PARL: variants seen among roughly 807,000 people sequenced by gnomAD.
PARL encodes presenilin associated rhomboid like, also known as presenilin-associated rhomboid-like protein, mitochondrial.
In PARL, 44 loss-of-function variants were observed where a neutral mutation model predicts 51.6. The ratio of observed to expected loss-of-function variants is 0.85; its 90% CI spans 0.67 to 1.10. The LOEUF (loss-of-function observed/expected upper bound fraction) is 1.10, where lower values mean the gene tolerates loss of function less well. Ranked by LOEUF, PARL falls within the 50% of genes least tolerant of loss-of-function variation. The pLI is 0.00. For missense variants in PARL, 441 were observed against 469.5 expected (o/e 0.94, Z 0.56); for synonymous variants, 172 against 164.0 (o/e 1.05, Z -0.37).
Position 183,862,808 on chromosome 3 carries a change from C to T in PARL, c.463-7G>A, listed in dbSNP as rs757762807. On this transcript the variant is annotated splice_polypyrimidine_tract_variant and splice_region_variant and intron_variant, in intron 3 of 9. Coordinates refer to ENST00000317096, the MANE Select transcript of PARL (RefSeq NM_018622.7). ...TATTCCACCACTTGTTAATCTAAAA[C>T]AGACAGAAAATTGCATCACCACATG... 1 of 1,611,870 alleles carries T rather than the reference C, an allele frequency of 6.2e-7. No individual in the cohort carries two copies. The highest frequency in any genetic ancestry group is 8.5e-7 in the Non-Finnish European group (1 of 1,177,948).
intron 7 of PARL, among the ~76,000 whole-genome samples, chr3:183,839,285 G>A (rs770750044): frequency 1.3e-5 from 2 of 152,130 alleles, no homozygotes; most frequent in African/African-American, 2.4e-5. Context: ...TTCCCTATTT[G>A]AATGCATTTA....
intron 7 of PARL, among the ~76,000 whole-genome samples, chr3:183,836,798 C>T (rs534196206): frequency 1.9e-4 from 29 of 152,228 alleles, no homozygotes; most frequent in South Asian, 1.0e-3. Flanking sequence ...AACTGGAGTG[C>T]GGTGGCACGA....
At position 183,842,802 on chromosome 3, in the gene PARL, T is replaced by C. The variant is rs1729483724; in HGVS notation, c.608-355A>G. ...CAGCCTGGGCCATAGAGCGAGACTCTATCTCAAAAAAAAAAAAAAAAAAAA... is the reference window on the plus strand; with the variant it reads ...CAGCCTGGGCCATAGAGCGAGACTCCATCTCAAAAAAAAAAAAAAAAAAAA... On this transcript the variant is annotated intron_variant, in intron 5 of 9. Coordinates refer to ENST00000317096, the MANE Select transcript of PARL (RefSeq NM_018622.7). 1.6e-4 allele frequency among the ~76,000 whole-genome samples: 10 copies of C among 62,206 alleles called. No individual in the cohort carries two copies. The South Asian group carries it at 7.4e-3, about 46-fold the overall frequency. The allele number at this position is 62,206 out of a possible 152,430, so 40.8% of individuals were successfully genotyped here.
intron 1 of PARL, chr3:183,879,677 A>C (rs1734212188): frequency 2.4e-6 from 2 of 849,016 alleles, no homozygotes; most frequent in South Asian, 1.1e-4. Context: ...ATATTATATA[A>C]GGTACATTTT....
chr3:183,858,099 G>C (rs1731373491), intron 4 of PARL, among the ~76,000 whole-genome samples: 1 of 152,142 alleles, frequency 6.6e-6, no homozygotes, highest in South Asian at 2.1e-4. Flanking sequence ...CTTGAAGTGT[G>C]GTTGGCACTC....
In PARL at chr3:183,854,808, G is replaced by A. The variant is rs567297487; in HGVS notation, c.511+7945C>T. 4.9e-5 allele frequency among the ~76,000 whole-genome samples: 7 copies of A among 143,388 alleles called. No homozygotes were observed. The South Asian group carries it at 1.3e-3, about 27-fold the overall frequency. 94.1% of individuals were successfully genotyped at this position (143,388 alleles called of 152,430 possible). A position where few individuals can be genotyped will look rare whatever the true frequency, so the allele number is the denominator to read the frequency against. ...AATTCCATTCCTGGCTATATATACC[G>A]AGAAATGAAAACATATGTCCACACA... On this transcript the variant is annotated intron_variant, in intron 4 of 9. Transcript: ENST00000317096.
chr3:183,836,768 C>CA (rs1301450291), intron 7 of PARL, among the ~76,000 whole-genome samples: 1 of 152,096 alleles, frequency 6.6e-6, no homozygotes. Context: ...TTTTTTGAGA[C>CA]AGAGTCTCGC....
chr3:183,855,492 G>A (rs182682280), intron 4 of PARL, among the ~76,000 whole-genome samples: 21 of 152,194 alleles, frequency 1.4e-4, no homozygotes, highest in African/African-American at 3.1e-4. Flanking sequence ...ACCAAGGACC[G>A]GTTTTGTGTT....
chr3:183,854,255 G>A (rs886747728), intron 4 of PARL, among the ~76,000 whole-genome samples: 8 of 152,048 alleles, frequency 5.3e-5, no homozygotes, highest in African/African-American at 9.7e-5. Flanking sequence ...AAATAGAATC[G>A]AATGCATGGT....
intron 4 of PARL, among the ~76,000 whole-genome samples, chr3:183,849,211 C>T (rs779204078): frequency 1.1e-4 from 16 of 152,080 alleles, no homozygotes; most frequent in Admixed American, 2.0e-4. Context: ...TAGAACACAC[C>T]ACCCAACAAA....
chr3:183,845,137 G>A (rs10937153), intron 4 of PARL, among the ~76,000 whole-genome samples: 41,899 of 152,052 alleles, frequency 0.28, 5,922 homozygotes, highest in East Asian at 0.54. Flanking sequence ...CAACAGGCAA[G>A]TAGCACTTTC....
chr3:183,851,688 A>G (rs539426061), intron 4 of PARL, among the ~76,000 whole-genome samples: 1 of 152,162 alleles, frequency 6.6e-6, no homozygotes, highest in East Asian at 1.9e-4. Context: ...TATCCAGAAT[A>G]TATAAAAAAA....
At chr3:183,862,633 A>G in intron 4 of PARL, 120 bp downstream of exon 4, 1 of 776,526 alleles carries the variant, frequency 1.3e-6, no homozygotes, top group South Asian at 1.4e-5. Flanking sequence ...CTATCAGTAC[A>G]GAGACTGTCT....
At chr3:183,848,227 C>A (rs549024791) in intron 4 of PARL, among the ~76,000 whole-genome samples, 1 of 152,190 alleles carries the variant, frequency 6.6e-6, no homozygotes. Flanking sequence ...AGCTTTGCAG[C>A]GTTTTTTGTT....
chr3:183,864,009 G>A (rs1732147043), intron 3 of PARL, among the ~76,000 whole-genome samples: 1 of 152,144 alleles, frequency 6.6e-6, no homozygotes, highest in African/African-American at 2.4e-5. Flanking sequence ...AAAACTTCAT[G>A]TGCAGACATG....
chr3:183,864,756 A>T (rs1732254636), intron 3 of PARL, among the ~76,000 whole-genome samples: 1 of 151,920 alleles, frequency 6.6e-6, no homozygotes, highest in Non-Finnish European at 1.5e-5. Context: ...AGCCTGGGCA[A>T]CAAGTGAGAC....
intron 1 of PARL, among the ~76,000 whole-genome samples, chr3:183,879,291 T>C (rs1205425423): frequency 6.6e-6 from 1 of 152,236 alleles, no homozygotes; most frequent in East Asian, 1.9e-4. Context: ...TGGGCACCTG[T>C]CCCAAGTTAG....
chr3:183,869,132 T>C (rs1732876187), intron 1 of PARL, among the ~76,000 whole-genome samples: 2 of 152,214 alleles, frequency 1.3e-5, no homozygotes, highest in Non-Finnish European at 2.9e-5. Flanking sequence ...AGTCTTCTTT[T>C]TCTTTTGTAA....
chr3:183,837,390 G>A (rs982810944), intron 7 of PARL, among the ~76,000 whole-genome samples: 32 of 152,156 alleles, frequency 2.1e-4, no homozygotes, highest in African/African-American at 7.7e-4. Flanking sequence ...TTAGAGAAAC[G>A]GGTGCCCAGC....
Sources: allele counts gnomAD v4.1 joint callset (sites outside exome capture counted in the v4.1 genomes callset), GRCh38; gene constraint gnomAD v4.1.1; transcripts MANE v1.5; gene names NCBI Gene and HGNC (gene_info 2026-07-23, HGNC 2026-07-21).